GTF2I: variants seen among roughly 807,000 people sequenced by gnomAD.
GTF2I encodes the protein general transcription factor II-I.
Under a neutral mutation model 67.6 loss-of-function variants are expected in GTF2I, and 12 were observed. The ratio of observed to expected loss-of-function variants is 0.18; its 90% CI spans 0.11 to 0.29. The LOEUF (loss-of-function observed/expected upper bound fraction) is 0.29, where lower values mean the gene tolerates loss of function less well. Among genes scored for constraint, GTF2I ranks in the 10% least tolerant of loss-of-function variants. The pLI, the probability that GTF2I is intolerant of heterozygous loss-of-function variation, is 1.00. For synonymous variants in GTF2I, 149 were observed against 197.0 expected, an observed-to-expected ratio of 0.76 and a Z score of 2.04; for missense variants, 271 against 580.1, an observed-to-expected ratio of 0.47 and a Z score of 5.47.
chr7:74,758,880 TG>T (rs781836620), intron 34 of GTF2I, 25 bp downstream of exon 34: 1 of 1,235,004 alleles, frequency 8.1e-7, no homozygotes, highest in Non-Finnish European at 1.2e-6. Flanking sequence ...GTGTCAGGGA[TG>T]CTGTGTGGTG....
chr7:74,698,488 C>T, intron 3 of GTF2I, among the ~76,000 whole-genome samples: 1 of 149,940 alleles, frequency 6.7e-6, no homozygotes, highest in East Asian at 2.0e-4. Flanking sequence ...CCCATCATAG[C>T]TCACTGCAGC....
intron 1 of GTF2I, chr7:74,684,692 GGGTCGCC>G (rs1787543732): frequency 6.6e-6 from 1 of 152,286 alleles, no homozygotes; most frequent in Admixed American, 6.5e-5. Flanking sequence ...GAAGGCCCGT[GGGTCGCC>G]CTTGGGGTGC....
At chr7:74,705,071 G>A in intron 6 of GTF2I, 93 bp from the exon 7 acceptor site, 1 of 796,722 alleles carries the variant, frequency 1.3e-6, no homozygotes, top group Non-Finnish European at 2.2e-6. Flanking sequence ...GCAAAGCCTA[G>A]TTCTACCCCA....
intron 1 of GTF2I, among the ~76,000 whole-genome samples, chr7:74,672,215 A>C (rs782647342): frequency 6.6e-6 from 1 of 152,098 alleles, no homozygotes; most frequent in Non-Finnish European, 1.5e-5. Context: ...AAATCGTGAT[A>C]GTTTATATCC....
intron 12 of GTF2I, chr7:74,722,821 CTG>C (rs745423238): frequency 3.9e-5 from 6 of 152,022 alleles, no homozygotes; most frequent in East Asian, 1.9e-4. Context: ...TGGAAAACTT[CTG>C]TGTTTTTTAT....
intron 1 of GTF2I, among the ~76,000 whole-genome samples, chr7:74,686,573 AGT>A (rs1554395580): frequency 1.3e-5 from 2 of 152,234 alleles, no homozygotes; most frequent in Non-Finnish European, 2.9e-5. Flanking sequence ...AAATAATGAA[AGT>A]GTACGCTAAG....
rs587675206 is a variant in GTF2I, at chr7:74,734,445, G to C, written c.1363+464G>C. On this transcript the variant is annotated intron_variant, in intron 16 of 34. Transcript: ENST00000573035. ...TTTGTTTTGTTTTGTTTTTTGAGAG[G>C]GAATCTTGCTCTGTTGCCCAGGCTG... is the stretch of plus-strand genomic sequence containing the variant. Among the ~76,000 whole-genome samples the C allele has an allele frequency of 2.8e-4, 43 of 151,106 alleles. No homozygotes were observed. The South Asian group carries it at 6.1e-3, about 21-fold the overall frequency.
chr7:74,721,118 C>T (rs1342942107), intron 12 of GTF2I, among the ~76,000 whole-genome samples: 4 of 152,032 alleles, frequency 2.6e-5, no homozygotes, highest in African/African-American at 7.2e-5. Context: ...CTCGGCTCAC[C>T]GCAACCTCCG....
chr7:74,697,934 A>G (rs1166081546), intron 3 of GTF2I, among the ~76,000 whole-genome samples: 1 of 62,218 alleles, frequency 1.6e-5, no homozygotes. Flanking sequence ...ATGCCCAGCT[A>G]ATTTTTGTAT....
intron 9 of GTF2I, 141 bp downstream of exon 9, chr7:74,711,250 G>C: frequency 2.2e-6 from 1 of 462,822 alleles, no homozygotes; most frequent in South Asian, 3.7e-5. Flanking sequence ...TTCAGTCCCG[G>C]GGATAAAACA....
intron 10 of GTF2I, among the ~76,000 whole-genome samples, chr7:74,716,396 T>C (rs1379226280): frequency 6.6e-6 from 1 of 152,142 alleles, no homozygotes; most frequent in East Asian, 1.9e-4. Context: ...AGTACAACTT[T>C]GATGAAATTA....
intron 6 of GTF2I, among the ~76,000 whole-genome samples, chr7:74,704,693 T>C (rs1790356565): frequency 6.6e-6 from 1 of 151,648 alleles, no homozygotes; most frequent in African/African-American, 2.4e-5. Flanking sequence ...CTACAAAAAA[T>C]AGAAAACAAT....
intron 1 of GTF2I, among the ~76,000 whole-genome samples, chr7:74,664,371 G>C (rs1448971396): frequency 3.3e-5 from 5 of 152,164 alleles, no homozygotes; most frequent in African/African-American, 1.2e-4. Context: ...AGAAAGTTCA[G>C]TATAGCCAGG....
chr7:74,689,149 C>A lies in GTF2I; in HGVS notation c.21C>A (p.Ser7=). The part of the protein sequence containing the change: MAQVAM[S]TLPVEDEESS... ...GGATCATGGCCCAAGTTGCAATGTC[C>A]ACCCTCCCCGTTGAAGATGAGGAGT... The change falls in exon 2 of 35, where the codon TCC becomes TCA. Residue 7 remains serine (S), a synonymous_variant. Transcript: ENST00000573035. 6.2e-7 allele frequency: 1 copy of A among 1,611,346 alleles called. No homozygotes were observed. Among genetic ancestry groups the A allele is most frequent in the Non-Finnish European group, 8.5e-7 (1 of 1,177,714 alleles).
rs1450926209 is a variant in GTF2I at position 74,748,122 on chromosome 7, T to C, written c.2170+6T>C. The C allele has an allele frequency of 7.7e-6, 1 of 129,554 alleles. No homozygotes were observed. The highest frequency in any genetic ancestry group is 3.9e-4 in the East Asian group (1 of 2,570). 8.0% of individuals were successfully genotyped at this position (129,554 alleles called of 1,614,324 possible). The stretch of plus-strand genomic sequence containing the variant: ...AGGGAGAGAGTTTTCCTTTGGTAAG[T>C]AAGCGTTTTATTTTTCTTTCTTTCA... On this transcript the variant is annotated splice_donor_region_variant and intron_variant, in intron 24 of 34. Coordinates refer to ENST00000573035, the MANE Select transcript of GTF2I (RefSeq NM_032999.4).
chr7:74,681,080 C>T (rs782011654), intron 1 of GTF2I, among the ~76,000 whole-genome samples: 10 of 152,082 alleles, frequency 6.6e-5, no homozygotes, highest in Non-Finnish European at 1.3e-4. Context: ...GAATTAAAAT[C>T]AAATCAGGGA....
At chr7:74,706,550 A>G (rs1554401478) in intron 8 of GTF2I, 117 bp downstream of exon 8, 1 of 733,542 alleles carries the variant, frequency 1.4e-6, no homozygotes, top group Non-Finnish European at 2.4e-6. Flanking sequence ...GGCAGTCACT[A>G]CTAATGTATT....
chr7:74,728,505 A>T (rs1409592339), intron 12 of GTF2I, among the ~76,000 whole-genome samples: 1 of 118,938 alleles, frequency 8.4e-6, no homozygotes. Flanking sequence ...TTTGAAAGTT[A>T]TTTGAGAAGG....
chr7:74,704,176 T>A (rs1346306108), intron 6 of GTF2I, among the ~76,000 whole-genome samples: 2 of 152,156 alleles, frequency 1.3e-5, no homozygotes, highest in Admixed American at 6.5e-5. Context: ...AGTGGTAGGA[T>A]TTTTGTGTAA....
Sources: gnomAD v4.1 joint callset for allele counts (sites outside exome capture counted in the v4.1 genomes callset) on GRCh38, gnomAD v4.1.1 for gene constraint, MANE v1.5 for transcripts, NCBI Gene and HGNC (gene_info 2026-07-23, HGNC 2026-07-21) for gene names.